The following ZNF239 variants were observed in gnomAD, a reference collection of about 807,000 sequenced individuals.
The protein encoded by ZNF239 is zinc finger protein 239.
ZNF239 carries 16 observed loss-of-function variants against 27.5 expected under a neutral mutation model. The ratio of observed to expected loss-of-function variants is 0.58; its 90% CI spans 0.39 to 0.88. The LOEUF is 0.88. Ranked by LOEUF, ZNF239 falls within the 40% of genes least tolerant of loss-of-function variation. The pLI, the probability that ZNF239 is intolerant of heterozygous loss-of-function variation, is 0.00. For missense variants in ZNF239, 527 were observed against 551.9 expected (o/e 0.95, Z 0.45); for synonymous variants, 199 against 192.6 (o/e 1.03, Z -0.27).
chr10:43,570,392 G>A, intron 2 of ZNF239: 2 of 985,142 alleles, frequency 2.0e-6, no homozygotes, highest in Non-Finnish European at 2.4e-6. Flanking sequence ...ATGACCCATG[G>A]CATATTAAAA....
rs1001395606 is a variant in ZNF239 at position 43,574,595 on chromosome 10, C to G, written c.-312G>C. On this transcript the variant is annotated 5_prime_UTR_variant, in exon 1 of 4. Coordinates refer to ENST00000374446, the MANE Select transcript of ZNF239 (RefSeq NM_001099282.2). ...CCAGATTCCGGATGCTGACCGCTCGCGCGCCTAGGGCCCCGAAATACAAGT... is the reference window on the plus strand; with the variant it reads ...CCAGATTCCGGATGCTGACCGCTCGGGCGCCTAGGGCCCCGAAATACAAGT... 6.6e-6 allele frequency: 1 copy of G among 152,264 alleles called. No homozygotes were observed. The highest frequency in any genetic ancestry group is 1.5e-5 in the Non-Finnish European group (1 of 68,080). 9.4% of individuals were successfully genotyped at this position (152,264 alleles called of 1,614,324 possible).
intron 3 of ZNF239, among the ~76,000 whole-genome samples, chr10:43,558,605 T>C (rs1324933535): frequency 6.6e-6 from 1 of 152,128 alleles, no homozygotes; most frequent in East Asian, 1.9e-4. Flanking sequence ...CATGCCATCA[T>C]GCCCAGCTAA....
rs145331390 is a variant in ZNF239 at position 43,565,368 on chromosome 10, G to A, written c.-93+2531C>T. Among the ~76,000 whole-genome samples the A allele has an allele frequency of 1.3e-3, 192 of 152,300 alleles. No individual in the cohort carries two copies. In the Middle Eastern group the frequency reaches 0.014, roughly 11 times the overall value. On this transcript the variant is annotated intron_variant, in intron 3 of 3. Transcript: ENST00000374446. ...CAAAGTGCTGGGATTATAGGTGTGAGCCACCACACCTGGCCAAACAAATCT... is the reference window on the plus strand; with the variant it reads ...CAAAGTGCTGGGATTATAGGTGTGAACCACCACACCTGGCCAAACAAATCT...
At chr10:43,571,037 T>C (rs752092965) in intron 2 of ZNF239, 53 of 984,512 alleles carry the variant, frequency 5.4e-5, no homozygotes, top group Admixed American at 2.5e-4. Context: ...AAACACTGAA[T>C]AATCAACAGT....
chr10:43,569,094 T>A (rs992993718), intron 2 of ZNF239, among the ~76,000 whole-genome samples: 25 of 152,074 alleles, frequency 1.6e-4, no homozygotes, highest in Non-Finnish European at 5.9e-5. Flanking sequence ...TCCCCAGTCA[T>A]CCCCATTTTA....
chr10:43,557,093 A>G lies in ZNF239; in HGVS notation c.987T>C (p.Ser329=), dbSNP rs1240632543. 1 of 1,603,376 alleles carries G rather than the reference A, an allele frequency of 6.2e-7. No homozygotes were observed. The change falls in exon 4 of 4, where the codon AGT becomes AGC. Residue 329 remains serine, a synonymous_variant. Transcript: ENST00000374446. ...GGTGGATGTGCAGGTTTGAGCGCTG[A>G]CTGAAGCTCATACCACACTCCTCAC... is the stretch of plus-strand genomic sequence containing the variant. ...YECEECGMSF[S]QRSNLHIHQR... is the part of the protein sequence containing the mutation.
rs745768384 is a variant in ZNF239 at position 43,556,691 on chromosome 10, G to A, written c.*12C>T. 5.6e-6 allele frequency: 9 copies of A among 1,609,368 alleles called. No individual in the cohort carries two copies. The East Asian group carries it at 1.8e-4, about 32-fold the overall frequency. ...TATGAGCGCTGTGAAGACCTGAATG[G>A]GCTAATGTCAGTTAGCGAGGATCTT... is the stretch of plus-strand genomic sequence containing the variant. On this transcript the variant is annotated 3_prime_UTR_variant, in exon 4 of 4. Transcript: ENST00000374446.
chr10:43,570,293 A>G, intron 2 of ZNF239: 3 of 985,352 alleles, frequency 3.0e-6, no homozygotes, highest in Non-Finnish European at 3.6e-6. Context: ...CTGGAAAAGG[A>G]GGCTCAAGCC....
At chr10:43,568,061 C>T (rs1290814349) in intron 2 of ZNF239, 40 bp from the exon 3 acceptor site, 1 of 985,782 alleles carries the variant, frequency 1.0e-6, no homozygotes, top group East Asian at 1.1e-4. Context: ...AAACAACCAT[C>T]TGCACAAATG....
At chr10:43,567,101 A>AAAACAAAC (rs143700865) in intron 3 of ZNF239, among the ~76,000 whole-genome samples, 1 of 151,064 alleles carries the variant, frequency 6.6e-6, no homozygotes, top group Non-Finnish European at 1.5e-5. Flanking sequence ...ACTCCGTCTC[A>AAAACAAAC]AAACAAACAA....
chr10:43,562,865 A>G (rs1214586180), intron 3 of ZNF239, among the ~76,000 whole-genome samples: 2 of 152,244 alleles, frequency 1.3e-5, no homozygotes, highest in East Asian at 3.8e-4. Flanking sequence ...ATGGATTTTA[A>G]AGGATATTGC....
chr10:43,568,018 G>A lies in ZNF239; in HGVS notation c.-212C>T. On this transcript the variant is annotated 5_prime_UTR_variant, in exon 3 of 4. Transcript: ENST00000374446. The stretch of plus-strand genomic sequence containing the variant: ...ACAGAGGCATCCTTGAATGTAACTG[G>A]TTCCTAAAACATTAAGCACATTCCT... 1.0e-6 allele frequency: 1 copy of A among 985,936 alleles called. No individual in the cohort carries two copies. Among genetic ancestry groups the A allele is most frequent in the Non-Finnish European group, 1.2e-6 (1 of 830,058 alleles). 61.1% of individuals were successfully genotyped at this position (985,936 alleles called of 1,614,324 possible). A position where few individuals can be genotyped will look rare whatever the true frequency, so the allele number is the denominator to read the frequency against.
chr10:43,561,065 G>T (rs540216145), intron 3 of ZNF239, among the ~76,000 whole-genome samples: 8 of 152,196 alleles, frequency 5.3e-5, no homozygotes, highest in South Asian at 2.1e-4. Context: ...ATAGTAAAAT[G>T]AACACATGGC....
At chr10:43,571,342 T>G (rs1000975917) in intron 2 of ZNF239, among the ~76,000 whole-genome samples, 7 of 150,020 alleles carry the variant, frequency 4.7e-5, no homozygotes, top group South Asian at 2.2e-4. Flanking sequence ...TACACTTGAG[T>G]CTAGCACAGT....
At chr10:43,568,451 CG>C in intron 2 of ZNF239, 1 of 985,412 alleles carries the variant, frequency 1.0e-6, no homozygotes, top group Non-Finnish European at 1.2e-6. Context: ...TAACCATAAT[CG>C]GGACTAGTCC....
intron 3 of ZNF239, among the ~76,000 whole-genome samples, chr10:43,560,889 G>A: frequency 6.6e-6 from 1 of 152,142 alleles, no homozygotes; most frequent in Non-Finnish European, 1.5e-5. Context: ...AAAAACTGGA[G>A]AGGATATCAC....
chr10:43,557,105 A>G lies in ZNF239; in HGVS notation c.975T>C (p.Gly325=), dbSNP rs1588775156. Residue 325 remains glycine (G), a synonymous_variant, in exon 4 of 4, where the codon GGT becomes GGC. Transcript: ENST00000374446. ...GEKPYECEEC[G]MSFSQRSNLH... ...GGTTTGAGCGCTGACTGAAGCTCAT[A>G]CCACACTCCTCACACTCATAGGGCT... 4.4e-6 allele frequency: 7 copies of G among 1,594,836 alleles called. No homozygotes were observed. In the East Asian group the frequency reaches 1.6e-4, roughly 36 times the overall value.
chr10:43,564,633 G>C (rs1837507423), intron 3 of ZNF239, among the ~76,000 whole-genome samples: 1 of 152,052 alleles, frequency 6.6e-6, no homozygotes, highest in Admixed American at 6.6e-5. Flanking sequence ...TGGCTTAGGT[G>C]ATCCTCCCAC....
At position 43,557,245 on chromosome 10, in the gene ZNF239, G is replaced by A. The variant is rs753740303; in HGVS notation, c.835C>T (p.Leu279Phe). Residue 279 changes from leucine to phenylalanine, a missense_variant, in exon 4 of 4, where the codon CTC becomes TTC. By Grantham distance (22) the Leu-to-Phe change is conservative. Coordinates refer to ENST00000374446, the MANE Select transcript of ZNF239 (RefSeq NM_001099282.2). ...CCTGTATGGACGGCATGATGGATGA[G>A]CAGACTTGAGCTCCTGGTGAAGCCC... ...GKGFTRSSSL[L>F]IHHAVHTGEK... 11 of 1,613,966 alleles carry A rather than the reference G, an allele frequency of 6.8e-6. No individual in the cohort carries two copies. Among genetic ancestry groups the A allele is most frequent in the Admixed American group, 3.3e-5 (2 of 59,992 alleles).
Sources: gnomAD v4.1 joint callset for allele counts (sites outside exome capture counted in the v4.1 genomes callset) on GRCh38, gnomAD v4.1.1 for gene constraint, MANE v1.5 for transcripts, NCBI Gene and HGNC (gene_info 2026-07-23, HGNC 2026-07-21) for gene names.